Variants in XPNPEP3 observed in about 807,000 individuals in gnomAD.
XPNPEP3 encodes X-prolyl aminopeptidase 3, also known as xaa-Pro aminopeptidase 3.
A neutral mutation model predicts 60.0 loss-of-function variants in XPNPEP3; 41 were observed. The ratio of observed to expected loss-of-function variants is 0.68; its 90% confidence interval spans 0.53 to 0.89. XPNPEP3 has a LOEUF of 0.89. Ranked by LOEUF, XPNPEP3 falls within the 40% of genes least tolerant of loss-of-function variation. The pLI is 0.00. For missense variants in XPNPEP3, 598 were observed against 638.9 expected (o/e 0.94, Z 0.69); for synonymous variants, 212 against 223.2 (o/e 0.95, Z 0.45).
intron 4 of XPNPEP3, among the ~76,000 whole-genome samples, chr22:40,890,410 A>C (rs1189153858): frequency 6.6e-6 from 1 of 150,984 alleles, no homozygotes; most frequent in Admixed American, 6.6e-5. Flanking sequence ...AAAATAGCCA[A>C]GTGTGGTGGT....
rs2058234987 is a variant in XPNPEP3, at chr22:40,926,417, A to G, written c.1506A>G (p.Ile502Met). 6.2e-7 allele frequency: 1 copy of G among 1,614,168 alleles called. No individual in the cohort carries two copies. Among genetic ancestry groups the G allele is most frequent in the Middle Eastern group, 1.7e-4 (1 of 6,054 alleles). ...CPKEMNDIEQICSQAS is the reference protein window; with the variant it reads ...CPKEMNDIEQMCSQAS ...AAGAGATGAATGACATTGAACAGATATGCAGCCAGGCTTCTTGACCTTCAC... is the reference window on the plus strand; with the variant it reads ...AAGAGATGAATGACATTGAACAGATGTGCAGCCAGGCTTCTTGACCTTCAC... Residue 502 changes from isoleucine (I) to methionine (M), a missense_variant, in exon 10 of 10, where the codon ATA becomes ATG. Ile to Met is a conservative substitution (Grantham distance 10, BLOSUM62 1). Coordinates refer to ENST00000357137, the MANE Select transcript of XPNPEP3 (RefSeq NM_022098.4).
chr22:40,867,890 AT>A (rs2057986359), intron 1 of XPNPEP3, among the ~76,000 whole-genome samples: 2 of 150,340 alleles, frequency 1.3e-5, no homozygotes, highest in Non-Finnish European at 1.5e-5. Context: ...GTGAGCTATG[AT>A]CATGCCACTA....
chr22:40,896,194 T>C (rs1291767805), intron 4 of XPNPEP3, among the ~76,000 whole-genome samples: 1 of 152,140 alleles, frequency 6.6e-6, no homozygotes, highest in African/African-American at 2.4e-5. Context: ...TGGCCCTCTG[T>C]CAATTTTTGT....
At chr22:40,861,572 G>A (rs1346848804) in intron 1 of XPNPEP3, 2 of 1,613,166 alleles carry the variant, frequency 1.2e-6, no homozygotes, top group Admixed American at 1.7e-5. Flanking sequence ...GATATTCACT[G>A]GCAGTGGAGA....
rs562739471 is a variant in XPNPEP3, at chr22:40,883,127, A to G, written c.589+950A>G. On this transcript the variant is annotated intron_variant, in intron 3 of 9. Coordinates refer to ENST00000357137, the MANE Select transcript of XPNPEP3 (RefSeq NM_022098.4). Reference sequence around the variant, plus strand: ...CAAGATTACTGACCAGCTTCTTGATATTTGACAACTACTTCTTATCTTAGT... The same window carrying G: ...CAAGATTACTGACCAGCTTCTTGATGTTTGACAACTACTTCTTATCTTAGT... Among the ~76,000 whole-genome samples, 6 of 152,316 alleles carry G rather than the reference A, an allele frequency of 3.9e-5. No individual in the cohort carries two copies. The South Asian group carries it at 1.0e-3, about 26-fold the overall frequency.
intron 4 of XPNPEP3, among the ~76,000 whole-genome samples, chr22:40,901,776 T>C (rs751201705): frequency 2.0e-5 from 3 of 152,170 alleles, no homozygotes; most frequent in Non-Finnish European, 2.9e-5. Flanking sequence ...TATGACTCCA[T>C]TTATATGAAA....
At position 40,931,770 on chromosome 22, in the gene XPNPEP3, C is replaced by T. The variant is rs193181659; in HGVS notation, c.*5335C>T. On this transcript the variant is annotated 3_prime_UTR_variant, in exon 10 of 10. Transcript: ENST00000357137. ...CCTCCTCTCATAATCATAGTATCCA[C>T]GTTAGGAAAATGCTTCTGAGAGTAA... The T allele has an allele frequency of 5.3e-5, 8 of 152,242 alleles. No homozygotes were observed. The East Asian group carries it at 1.4e-3, about 26-fold the overall frequency. The allele number at this position is 152,242 out of a possible 1,614,324, so 9.4% of individuals were successfully genotyped here.
intron 7 of XPNPEP3, among the ~76,000 whole-genome samples, chr22:40,921,667 G>A (rs747817035): frequency 5.3e-5 from 8 of 152,054 alleles, no homozygotes; most frequent in Non-Finnish European, 8.8e-5. Flanking sequence ...GAACATTTTA[G>A]TACATTCAGC....
At position 40,919,711 on chromosome 22, in the gene XPNPEP3, G is replaced by A. The variant is rs539780823; in HGVS notation, c.1056-2622G>A. ...AATGAAAACATTTCTCAACAAAAAG[G>A]GTTGCACAAGGACATTCATAACAGC... On this transcript the variant is annotated intron_variant, in intron 7 of 9. Coordinates refer to ENST00000357137, the MANE Select transcript of XPNPEP3 (RefSeq NM_022098.4). Among the ~76,000 whole-genome samples, 3 of 152,226 alleles carry A rather than the reference G, an allele frequency of 2.0e-5. No individual in the cohort carries two copies. In the South Asian group the frequency reaches 6.2e-4, roughly 32 times the overall value.
chr22:40,922,945 G>GCT (rs1192041381), intron 8 of XPNPEP3, among the ~76,000 whole-genome samples: 1 of 152,148 alleles, frequency 6.6e-6, no homozygotes, highest in Non-Finnish European at 1.5e-5. Flanking sequence ...TGCATAACTA[G>GCT]CTCAGTATTC....
chr22:40,923,842 A>T (rs1254880647), intron 8 of XPNPEP3, among the ~76,000 whole-genome samples: 1 of 151,666 alleles, frequency 6.6e-6, no homozygotes, highest in Non-Finnish European at 1.5e-5. Context: ...GCAGAGCAAG[A>T]CTCCATCTCA....
rs2146285139 is a variant in XPNPEP3 at position 40,928,811 on chromosome 22, A to C, written c.*2376A>C. 1 of 152,326 alleles carries C rather than the reference A, an allele frequency of 6.6e-6. No homozygotes were observed. The highest frequency in any genetic ancestry group is 6.5e-5 in the Admixed American group (1 of 15,294). The allele number at this position is 152,326 out of a possible 1,614,324, so 9.4% of individuals were successfully genotyped here. A position where few individuals can be genotyped will look rare whatever the true frequency, so the allele number is the denominator to read the frequency against. On this transcript the variant is annotated 3_prime_UTR_variant, in exon 10 of 10. Transcript: ENST00000357137. ...GAAGTTTGCCTATCTTATCAGGGAAACCCAGGGTACAGAGTGAAAAGCAGA... is the reference window on the plus strand; with the variant it reads ...GAAGTTTGCCTATCTTATCAGGGAACCCCAGGGTACAGAGTGAAAAGCAGA...
chr22:40,926,100 C>A (rs2058233567), intron 9 of XPNPEP3, among the ~76,000 whole-genome samples, 169 bp from the exon 10 acceptor site: 1 of 152,078 alleles, frequency 6.6e-6, no homozygotes, highest in African/African-American at 2.4e-5. Context: ...TATATGCCAG[C>A]CACTTTGACA....
rs1044142885 is a variant in XPNPEP3, at chr22:40,900,021, C to T, written c.793-7566C>T. Among the ~76,000 whole-genome samples, 5 of 151,998 alleles carry T rather than the reference C, an allele frequency of 3.3e-5. No individual in the cohort carries two copies. In the East Asian group the frequency reaches 9.7e-4, roughly 29 times the overall value. On this transcript the variant is annotated intron_variant, in intron 4 of 9. Transcript: ENST00000357137. ...CGGAGATTGCAGTGAGCCAAGATTACACCACTGCATTCCAGCCTGGGCAAC... is the reference window on the plus strand; with the variant it reads ...CGGAGATTGCAGTGAGCCAAGATTATACCACTGCATTCCAGCCTGGGCAAC...
At chr22:40,861,031 T>C (rs556255055) in intron 1 of XPNPEP3, 2 of 1,536,526 alleles carry the variant, frequency 1.3e-6, no homozygotes, top group African/African-American at 1.4e-5. Context: ...ACACACACAA[T>C]TGTGTTCAAA....
rs1441126686 is a variant in XPNPEP3, at chr22:40,881,833, T to A, written c.245T>A (p.Leu82Gln). Residue 82 changes from leucine to glutamine, a missense_variant, in exon 3 of 10, where the codon CTG (leucine) becomes CAG (glutamine). Physicochemically the swap from Leu to Gln is moderately radical, Grantham distance 113 (BLOSUM62 -2). Transcript: ENST00000357137. The part of the protein sequence containing the change: ...YALRRHKLMS[L>Q]IQKEAQGQSG... ...CTTCGCAGACACAAACTAATGTCTC[T>A]GATCCAGAAGGAAGCTCAAGGGCAG... The A allele has an allele frequency of 3.7e-6, 6 of 1,614,114 alleles. No individual in the cohort carries two copies. The highest frequency in any genetic ancestry group is 5.1e-6 in the Non-Finnish European group (6 of 1,180,052).
At chr22:40,888,678 A>G (rs1039407643) in intron 4 of XPNPEP3, among the ~76,000 whole-genome samples, 3 of 151,142 alleles carry the variant, frequency 2.0e-5, no homozygotes, top group South Asian at 2.1e-4. Flanking sequence ...TGCTGTAAAC[A>G]TAAGTGTACA....
intron 1 of XPNPEP3, among the ~76,000 whole-genome samples, chr22:40,866,335 A>C (rs967337547): frequency 6.6e-6 from 1 of 151,952 alleles, no homozygotes; most frequent in Non-Finnish European, 1.5e-5. Context: ...ATTAAAATAG[A>C]AATCATAGGA....
At chr22:40,894,026 C>T (rs985409551) in intron 4 of XPNPEP3, among the ~76,000 whole-genome samples, 2 of 152,132 alleles carry the variant, frequency 1.3e-5, no homozygotes, top group East Asian at 1.9e-4. Context: ...AGGAGGAGAA[C>T]GCCAGACATG....
Sources: gnomAD v4.1 joint callset for allele counts (sites outside exome capture counted in the v4.1 genomes callset) on GRCh38, gnomAD v4.1.1 for gene constraint, MANE v1.5 for transcripts, NCBI Gene and HGNC (gene_info 2026-07-23, HGNC 2026-07-21) for gene names.